PSMD12: variants seen among roughly 807,000 people sequenced by gnomAD.
PSMD12 encodes the protein proteasome 26S subunit, non-ATPase 12.
In PSMD12, 8 loss-of-function variants were observed where a neutral mutation model predicts 62.9. The observed-to-expected ratio is 0.13, with a 90% CI of 0.07 to 0.23. The LOEUF (loss-of-function observed/expected upper bound fraction) is 0.23. PSMD12 is among the 10% of genes least tolerant of loss of function. The pLI is 1.00. For synonymous variants in PSMD12, 173 were observed against 187.4 expected (o/e 0.92, Z 0.63); for missense variants, 424 against 550.2 (o/e 0.77, Z 2.29).
chr17:67,354,030 G>GGGTGC (rs1285288271), intron 3 of PSMD12, among the ~76,000 whole-genome samples: 1 of 152,174 alleles, frequency 6.6e-6, no homozygotes, highest in Non-Finnish European at 1.5e-5. Context: ...CTAACCAATA[G>GGGTGC]GGTGCCAAGG....
chr17:67,342,302 T>C lies in PSMD12; in HGVS notation c.1084-39A>G, dbSNP rs145651819. On this transcript the variant is annotated intron_variant, in intron 9 of 10. Coordinates refer to ENST00000356126, the MANE Select transcript of PSMD12 (RefSeq NM_002816.5). ...AGAGAGCAGGGAGAACACGTAACAT[T>C]TGTCAGTAAGTCTAAAAGTCCATTT... 4,827 of 1,335,706 alleles carry C rather than the reference T, an allele frequency of 3.6e-3. 17 individuals carry two copies. Among genetic ancestry groups the C allele is most frequent in the Non-Finnish European group, 4.5e-3 (4,270 of 939,248 alleles). The allele number at this position is 1,335,706 out of a possible 1,614,324, so 82.7% of individuals were successfully genotyped here. A position where few individuals can be genotyped will look rare whatever the true frequency, so the allele number is the denominator to read the frequency against.
rs1156844556 is a variant in PSMD12 at position 67,340,786 on chromosome 17, T to C, written c.*57A>G. 2.2e-6 allele frequency: 3 copies of C among 1,385,446 alleles called. No individual in the cohort carries two copies. The African/African-American group carries it at 4.5e-5, about 21-fold the overall frequency. The allele number at this position is 1,385,446 out of a possible 1,614,324, so 85.8% of individuals were successfully genotyped here. A position where few individuals can be genotyped will look rare whatever the true frequency, so the allele number is the denominator to read the frequency against. On this transcript the variant is annotated 3_prime_UTR_variant, in exon 11 of 11. Coordinates refer to ENST00000356126, the MANE Select transcript of PSMD12 (RefSeq NM_002816.5). ...AAAAACCCCAACATATACACCATTATAACAGTCTTTTTTTAATGACTTCCA... is the reference window on the plus strand; with the variant it reads ...AAAAACCCCAACATATACACCATTACAACAGTCTTTTTTTAATGACTTCCA...
chr17:67,348,043 T>A (rs969837444), intron 5 of PSMD12, among the ~76,000 whole-genome samples: 2 of 152,196 alleles, frequency 1.3e-5, no homozygotes, highest in African/African-American at 4.8e-5. Context: ...TCTGAGCTGA[T>A]TTTATCTTTT....
chr17:67,341,630 T>C (rs1433559278), intron 10 of PSMD12, among the ~76,000 whole-genome samples: 1 of 152,182 alleles, frequency 6.6e-6, no homozygotes, highest in African/African-American at 2.4e-5. Flanking sequence ...CTGGTATCCA[T>C]GCCAACGGCA....
At chr17:67,363,255 G>A (rs931471598) in intron 1 of PSMD12, among the ~76,000 whole-genome samples, 3 of 152,162 alleles carry the variant, frequency 2.0e-5, no homozygotes, top group East Asian at 1.9e-4. Flanking sequence ...GCGCTCAAGC[G>A]ATCCTCCTGC....
intron 1 of PSMD12, among the ~76,000 whole-genome samples, chr17:67,358,589 AAAG>A (rs2042100909): frequency 2.7e-5 from 4 of 150,118 alleles, no homozygotes; most frequent in African/African-American, 7.3e-5. Context: ...AAAAAAAAGA[AAAG>A]AAAAAAAAGA....
chr17:67,357,017 G>A (rs950118448), intron 3 of PSMD12: 15 of 219,614 alleles, frequency 6.8e-5, no homozygotes, highest in South Asian at 3.6e-4. Flanking sequence ...CTCAAAATAA[G>A]TAAATAAATA....
intron 4 of PSMD12, among the ~76,000 whole-genome samples, chr17:67,349,352 A>G (rs1032076674): frequency 1.5e-4 from 23 of 152,232 alleles, no homozygotes; most frequent in African/African-American, 5.1e-4. Context: ...AGCTATAAGA[A>G]TATTTTACAG....
rs376561492 is a variant in PSMD12, at chr17:67,346,167, C to T, written c.796-310G>A. On this transcript the variant is annotated intron_variant, in intron 7 of 10. Transcript: ENST00000356126. ...CAGCACTTCGGGAGGCCCAGGCGGG[C>T]GGATCACCTGAGGTCAGGAGATCGA... is the stretch of plus-strand genomic sequence containing the variant. Among the ~76,000 whole-genome samples, 323 of 152,002 alleles carry T rather than the reference C, an allele frequency of 2.1e-3. 1 individual carries two copies. The highest frequency in any genetic ancestry group is 7.5e-3 in the African/African-American group (311 of 41,440).
chr17:67,347,077 G>A (rs769613841), intron 7 of PSMD12, 39 bp downstream of exon 7: 414 of 1,554,288 alleles, frequency 2.7e-4, no homozygotes, highest in Non-Finnish European at 3.4e-4. Context: ...TTACTCTTCT[G>A]AATAAGAAGC....
At position 67,338,366 on chromosome 17, in the gene PSMD12, T is replaced by C. The variant is rs984851755; in HGVS notation, c.*2477A>G. 1.3e-5 allele frequency: 2 copies of C among 152,244 alleles called. No individual in the cohort carries two copies. Among genetic ancestry groups the C allele is most frequent in the Non-Finnish European group, 2.9e-5 (2 of 68,046 alleles). The allele number at this position is 152,244 out of a possible 1,614,324, so 9.4% of individuals were successfully genotyped here. ...TCAAATATTTCACTATTGTACTTTATGCTAATGAATTATTTTGTAATACTA... is the reference window on the plus strand; with the variant it reads ...TCAAATATTTCACTATTGTACTTTACGCTAATGAATTATTTTGTAATACTA... On this transcript the variant is annotated 3_prime_UTR_variant, in exon 11 of 11. Coordinates refer to ENST00000356126, the MANE Select transcript of PSMD12 (RefSeq NM_002816.5).
intron 1 of PSMD12, among the ~76,000 whole-genome samples, chr17:67,358,582 AAAAAGAAAAGAAAAAAAAG>A (rs1161425470): frequency 2.7e-5 from 4 of 150,150 alleles, no homozygotes; most frequent in Non-Finnish European, 4.4e-5. Flanking sequence ...AAAAAAAAAA[AAAAAGAAAAGAAAAAAAAG>A]AAAAAAAAAG....
intron 3 of PSMD12, among the ~76,000 whole-genome samples, chr17:67,352,612 A>C (rs1053198306): frequency 3.3e-5 from 5 of 152,370 alleles, no homozygotes; most frequent in African/African-American, 9.6e-5. Flanking sequence ...CAACTACAGT[A>C]GTCTCCACTT....
intron 9 of PSMD12, among the ~76,000 whole-genome samples, chr17:67,344,311 CT>C (rs35835461): frequency 0.051 from 7,811 of 152,156 alleles, 289 homozygotes; most frequent in Middle Eastern, 0.14. Context: ...ATATAGCTAT[CT>C]TTTCTGAAAA....
intron 3 of PSMD12, among the ~76,000 whole-genome samples, chr17:67,356,833 A>G (rs976538723): frequency 1.3e-5 from 2 of 151,936 alleles, no homozygotes; most frequent in Admixed American, 6.6e-5. Context: ...TAATATAGTG[A>G]GACCTCATCT....
rs1212380133 is a variant in PSMD12, at chr17:67,344,676, G to A, written c.1013C>T (p.Thr338Met). 8.7e-6 allele frequency: 14 copies of A among 1,613,192 alleles called. No individual in the cohort carries two copies. The highest frequency in any genetic ancestry group is 2.2e-5 in the East Asian group (1 of 44,842). The change falls in exon 9 of 11, where the codon ACG becomes ATG. Residue 338 changes from threonine to methionine, a missense_variant. By Grantham distance (81) the Thr-to-Met change is moderately conservative (BLOSUM62 -1). Coordinates refer to ENST00000356126, the MANE Select transcript of PSMD12 (RefSeq NM_002816.5). ...TTCCTCTGTAGAACCAAAAACATCCGTTGCAGGACTCTCAAGGGAACCTTT... is the reference window on the plus strand; with the variant it reads ...TTCCTCTGTAGAACCAAAAACATCCATTGCAGGACTCTCAAGGGAACCTTT... Reference protein sequence around the residue: ...LRKGSLESPATDVFGSTEEGE... With the variant: ...LRKGSLESPAMDVFGSTEEGE...
rs1249843548 is a variant in PSMD12 at position 67,341,006 on chromosome 17, A to G, written c.1208T>C (p.Phe403Ser). Residue 403 changes from phenylalanine to serine, a missense_variant, in exon 11 of 11, where the codon TTT (phenylalanine) becomes TCT (serine). By Grantham distance (155) the Phe-to-Ser change is radical (BLOSUM62 -2). Coordinates refer to ENST00000356126, the MANE Select transcript of PSMD12 (RefSeq NM_002816.5). ...LSNLVVNKTI[F>S]AKVDRLAGII... ...TCCTGCTAATCTGTCTACTTTAGCA[A>G]AGATGGTCTTGTTAACTACTAGATT... The G allele has an allele frequency of 6.4e-7, 1 of 1,556,756 alleles. No homozygotes were observed.
At chr17:67,366,285 C>A (rs976132457) in intron 1 of PSMD12, 127 bp downstream of exon 1, 5 of 913,730 alleles carry the variant, frequency 5.5e-6, no homozygotes, top group Admixed American at 2.5e-5. Flanking sequence ...CTCGTGCAGG[C>A]CCAACTAGGG....
At chr17:67,354,831 A>T (rs143790576) in intron 3 of PSMD12, among the ~76,000 whole-genome samples, 331 of 152,108 alleles carry the variant, frequency 2.2e-3, no homozygotes, top group African/African-American at 7.8e-3. Flanking sequence ...CTCTACTGAA[A>T]ATACAAAAAT....
Sources: gnomAD v4.1 joint callset for allele counts (sites outside exome capture counted in the v4.1 genomes callset) on GRCh38, gnomAD v4.1.1 for gene constraint, MANE v1.5 for transcripts, NCBI Gene and HGNC (gene_info 2026-07-23, HGNC 2026-07-21) for gene names.